Variants in IL23R observed in about 807,000 individuals in gnomAD.
IL23R encodes interleukin 23 receptor, also known as interleukin-23 receptor.
A neutral mutation model predicts 56.9 loss-of-function variants in IL23R; 34 were observed. The observed-to-expected ratio is 0.60, with a 90% CI of 0.45 to 0.80. The LOEUF (loss-of-function observed/expected upper bound fraction) is 0.80, where lower values mean the gene tolerates loss of function less well. Among genes scored for constraint, IL23R ranks in the 30% least tolerant of loss-of-function variants. IL23R has a pLI of 0.00. For synonymous variants in IL23R, 230 were observed against 249.2 expected (o/e 0.92, Z 0.73); for missense variants, 635 against 730.0 (o/e 0.87, Z 1.50).
At chr1:67,200,280 G>T (rs1008814892) in intron 4 of IL23R, among the ~76,000 whole-genome samples, 1 of 152,072 alleles carries the variant, frequency 6.6e-6, no homozygotes, top group East Asian at 1.9e-4. Flanking sequence ...CTGACCTTGT[G>T]ATCCGCCCGC....
chr1:67,255,134 G>A (rs1008940677), intron 9 of IL23R, among the ~76,000 whole-genome samples: 1 of 152,124 alleles, frequency 6.6e-6, no homozygotes, highest in African/African-American at 2.4e-5. Context: ...TTAAATATGC[G>A]GTAGTTACGG....
chr1:67,255,734 C>G (rs11465821), intron 9 of IL23R, 103 bp from the exon 10 acceptor site: 1 of 664,178 alleles, frequency 1.5e-6, no homozygotes, highest in Non-Finnish European at 2.8e-6. Flanking sequence ...CCACTGTGCC[C>G]GACCTAGGAA....
At chr1:67,221,671 T>G (rs183411068) in intron 7 of IL23R, among the ~76,000 whole-genome samples, 1 of 152,216 alleles carries the variant, frequency 6.6e-6, no homozygotes, top group Non-Finnish European at 1.5e-5. Flanking sequence ...ATACACTAGA[T>G]TTAACATTTT....
At chr1:67,252,225 G>A (rs1652671389) in intron 9 of IL23R, among the ~76,000 whole-genome samples, 1 of 152,090 alleles carries the variant, frequency 6.6e-6, no homozygotes, top group South Asian at 2.1e-4. Flanking sequence ...GATGAACTTA[G>A]CCAATGATTT....
chr1:67,180,811 C>T (rs974599704), intron 3 of IL23R, among the ~76,000 whole-genome samples: 1 of 152,068 alleles, frequency 6.6e-6, no homozygotes, highest in African/African-American at 2.4e-5. Context: ...TTAGGGCAGG[C>T]CTGGTGGTGA....
At chr1:67,255,640 T>G (rs1015672182) in intron 9 of IL23R, among the ~76,000 whole-genome samples, 197 bp from the exon 10 acceptor site, 3 of 152,060 alleles carry the variant, frequency 2.0e-5, no homozygotes, top group African/African-American at 7.2e-5. Context: ...GGTCTTGCTA[T>G]GTTGCCCAGG....
rs1405239081 is a variant in IL23R at position 67,142,379 on chromosome 1, TA to T, written c.-634+3222del. Among the ~76,000 whole-genome samples, 11 of 152,248 alleles carry T rather than the reference TA, an allele frequency of 7.2e-5. No individual in the cohort carries two copies. The East Asian group carries it at 2.1e-3, about 29-fold the overall frequency. ...GAAAAATGGAAAAACTCAGAGTGGA[TA>T]AAAGAAAATTCTGTAGCCATCCCAT... On this transcript the variant is annotated intron_variant, in intron 1 of 10. Coordinates refer to the IL23R transcript ENST00000637002.
At chr1:67,239,832 A>G (rs575219996) in intron 8 of IL23R, among the ~76,000 whole-genome samples, 1 of 152,324 alleles carries the variant, frequency 6.6e-6, no homozygotes, top group Non-Finnish European at 1.5e-5. Flanking sequence ...TGTTACAGCA[A>G]TTGGGAATTC....
intron 4 of IL23R, among the ~76,000 whole-genome samples, chr1:67,188,489 C>A (rs1407356386): frequency 6.6e-6 from 1 of 152,160 alleles, no homozygotes; most frequent in Non-Finnish European, 1.5e-5. Flanking sequence ...GAGCCTCAGC[C>A]TCCTGTGAAA....
chr1:67,232,172 C>T (rs970602744), intron 7 of IL23R, among the ~76,000 whole-genome samples: 2 of 152,112 alleles, frequency 1.3e-5, no homozygotes, highest in Non-Finnish European at 2.9e-5. Flanking sequence ...TTATCTTCTC[C>T]ATACCCTTCT....
At chr1:67,180,987 C>A (rs1647132627) in intron 3 of IL23R, among the ~76,000 whole-genome samples, 1 of 152,324 alleles carries the variant, frequency 6.6e-6, no homozygotes, top group Middle Eastern at 3.4e-3. Context: ...GCTGAGAGAT[C>A]CGCTGTTAGT....
At chr1:67,251,019 C>G (rs1652571303) in intron 9 of IL23R, among the ~76,000 whole-genome samples, 1 of 152,124 alleles carries the variant, frequency 6.6e-6, no homozygotes, top group African/African-American at 2.4e-5. Context: ...TTATTTTTCC[C>G]AAGGAGTCCT....
At chr1:67,225,895 G>A (rs1650585741) in intron 7 of IL23R, among the ~76,000 whole-genome samples, 1 of 152,172 alleles carries the variant, frequency 6.6e-6, no homozygotes, top group Non-Finnish European at 1.5e-5. Flanking sequence ...ATCCATTGCT[G>A]TAGAGGTCAG....
chr1:67,244,587 G>A (rs539501406), intron 9 of IL23R, among the ~76,000 whole-genome samples: 8 of 151,642 alleles, frequency 5.3e-5, no homozygotes, highest in East Asian at 3.9e-4. Flanking sequence ...CCTATTGCTC[G>A]TTTTTGTCAG....
chr1:67,241,143 G>A (rs1429752325), intron 9 of IL23R, among the ~76,000 whole-genome samples: 2 of 152,102 alleles, frequency 1.3e-5, no homozygotes, highest in Non-Finnish European at 2.9e-5. Flanking sequence ...CCCCCTTTTG[G>A]TGATTTTCTC....
At chr1:67,254,325 T>C (rs1652822403) in intron 9 of IL23R, among the ~76,000 whole-genome samples, 1 of 151,982 alleles carries the variant, frequency 6.6e-6, no homozygotes. Flanking sequence ...TGTCTTTGCC[T>C]CCCAAAGTGT....
At chr1:67,181,701 G>A (rs1324052184) in intron 3 of IL23R, among the ~76,000 whole-genome samples, 1 of 152,220 alleles carries the variant, frequency 6.6e-6, no homozygotes, top group African/African-American at 2.4e-5. Context: ...TGGAGGAGGA[G>A]AGGCGCTCTG....
intron 5 of IL23R, among the ~76,000 whole-genome samples, chr1:67,206,127 C>T (rs1649035441): frequency 1.3e-5 from 2 of 151,928 alleles, no homozygotes; most frequent in Non-Finnish European, 2.9e-5. Context: ...ATCCTCCTGC[C>T]TCAGCCTCCT....
intron 6 of IL23R, among the ~76,000 whole-genome samples, chr1:67,214,038 G>T (rs574771147): frequency 5.9e-5 from 9 of 152,302 alleles, no homozygotes; most frequent in African/African-American, 1.9e-4. Context: ...GCTGGGAGGG[G>T]TGATACAAGC....
Sources: allele counts gnomAD v4.1 joint callset (sites outside exome capture counted in the v4.1 genomes callset), GRCh38; gene constraint gnomAD v4.1.1; transcripts MANE v1.5; gene names NCBI Gene and HGNC (gene_info 2026-07-23, HGNC 2026-07-21).